The following DPP8 variants were observed in gnomAD, a reference collection of about 807,000 sequenced individuals.
DPP8 encodes the protein DPP VIII.
A neutral mutation model predicts 107.5 loss-of-function variants in DPP8; 31 were observed. That is an observed-to-expected ratio of 0.29 (90% CI 0.22 to 0.39). The LOEUF is 0.39. Ranked by LOEUF, DPP8 falls within the 10% of genes least tolerant of loss-of-function variation. DPP8 has a pLI of 1.00. For synonymous variants in DPP8, 381 were observed against 356.6 expected (o/e 1.07, Z -0.77); for missense variants, 842 against 1,076.1 (o/e 0.78, Z 3.04).
intron 8 of DPP8, among the ~76,000 whole-genome samples, chr15:65,482,044 A>T (rs76404915): frequency 8.6e-5 from 13 of 151,334 alleles, no homozygotes; most frequent in African/African-American, 1.9e-4. Context: ...ATATATATAT[A>T]TTTTTTGAGA....
At chr15:65,486,257 C>A (rs1309177383) in intron 7 of DPP8, among the ~76,000 whole-genome samples, 1 of 151,372 alleles carries the variant, frequency 6.6e-6, no homozygotes, top group Non-Finnish European at 1.5e-5. Context: ...CAAAAATTAG[C>A]CAGGTGTGGC....
At chr15:65,483,627 A>C (rs941126354) in intron 8 of DPP8, among the ~76,000 whole-genome samples, 84 of 150,926 alleles carry the variant, frequency 5.6e-4, no homozygotes, top group African/African-American at 2.0e-3. Context: ...AATAAAATAA[A>C]ATAAAATAAA....
chr15:65,515,803 G>C (rs2071380625), intron 1 of DPP8: 1 of 1,000,100 alleles, frequency 1.0e-6, no homozygotes, highest in Non-Finnish European at 1.5e-6. Flanking sequence ...TGCTCACCAG[G>C]ATAATGAAAT....
intron 15 of DPP8, among the ~76,000 whole-genome samples, chr15:65,460,877 A>G (rs2064862879): frequency 6.6e-6 from 1 of 152,214 alleles, no homozygotes; most frequent in Admixed American, 6.5e-5. Context: ...TAGTAATTCT[A>G]TGTTTGACAT....
intron 15 of DPP8, among the ~76,000 whole-genome samples, chr15:65,458,248 G>A (rs1204694124): frequency 6.6e-6 from 1 of 151,456 alleles, no homozygotes; most frequent in Non-Finnish European, 1.5e-5. Flanking sequence ...GGAAACATAA[G>A]TATTTGTTAC....
intron 14 of DPP8, among the ~76,000 whole-genome samples, chr15:65,464,262 C>G (rs1472159895): frequency 1.3e-5 from 2 of 152,142 alleles, no homozygotes; most frequent in Non-Finnish European, 2.9e-5. Flanking sequence ...ACTCGGGAGG[C>G]TGAGGCAGGA....
At chr15:65,487,852 GA>G in intron 6 of DPP8, 34 bp from the exon 7 acceptor site, 1 of 1,424,350 alleles carries the variant, frequency 7.0e-7, no homozygotes, top group Non-Finnish European at 9.7e-7. Flanking sequence ...AAATTTAGAA[GA>G]ATTATTCCAG....
rs142039963 is a variant in DPP8 at position 65,504,951 on chromosome 15, C to T, written c.372+2292G>A. 8.5e-5 allele frequency among the ~76,000 whole-genome samples: 13 copies of T among 152,098 alleles called. No individual in the cohort carries two copies. In the East Asian group the frequency reaches 2.5e-3, roughly 29 times the overall value. ...GCTGTGATCACACACCACTGTATTC[C>T]AACTTGGGTGACAGAGTGAGATGCT... On this transcript the variant is annotated intron_variant, in intron 3 of 19. Coordinates refer to ENST00000300141, the MANE Select transcript of DPP8 (RefSeq NM_130434.5).
chr15:65,472,426 T>C (rs890021932), intron 12 of DPP8, among the ~76,000 whole-genome samples: 1 of 152,126 alleles, frequency 6.6e-6, no homozygotes, highest in African/African-American at 2.4e-5. Flanking sequence ...TCCAACTAGC[T>C]GGGACTACAG....
At chr15:65,484,655 CAAA>C (rs1161936925) in intron 8 of DPP8, among the ~76,000 whole-genome samples, 6 of 98,322 alleles carry the variant, frequency 6.1e-5, no homozygotes, top group Non-Finnish European at 6.5e-5. Context: ...GCTCTTAACT[CAAA>C]AAAAAAAAAA....
rs200220727 is a variant in DPP8 at position 65,466,719 on chromosome 15, C to T, written c.1784G>A (p.Cys595Tyr). The change falls in exon 14 of 20, where the codon TGC becomes TAC. Residue 595 changes from cysteine (C) to tyrosine (Y), a missense_variant. Transcript: ENST00000300141. ...GGTGGCCCAAAATTCCTTTGTTTTG[C>T]AAGTTGGGTCATCTTCAGGACTTGA... ...KLSSPEDDPTCKTKEFWATIL... is the reference protein window; with the variant it reads ...KLSSPEDDPTYKTKEFWATIL... 1.0e-4 allele frequency: 167 copies of T among 1,613,930 alleles called. No individual in the cohort carries two copies. The highest frequency in any genetic ancestry group is 1.4e-4 in the Non-Finnish European group (163 of 1,179,978).
rs1555468189 is a variant in DPP8, at chr15:65,499,105, G to GTGTGTATA, written c.547-1074_547-1073insTATACACA. Among the ~76,000 whole-genome samples, 469 of 138,802 alleles carry GTGTGTATA rather than the reference G, an allele frequency of 3.4e-3. 2 individuals carry two copies. Among genetic ancestry groups the GTGTGTATA allele is most frequent in the African/African-American group, 9.2e-3 (347 of 37,644 alleles). 91.1% of individuals were successfully genotyped at this position (138,802 alleles called of 152,430 possible). A position where few individuals can be genotyped will look rare whatever the true frequency, so the allele number is the denominator to read the frequency against. On this transcript the variant is annotated intron_variant, in intron 4 of 19. Transcript: ENST00000300141. Reference sequence around the variant, plus strand: ...TGTGTGTGTGTGTGTGTGTGTGTGTGTATATATAAATTTATTAAGATGAAT... The same window carrying GTGTGTATA: ...TGTGTGTGTGTGTGTGTGTGTGTGTGTGTGTATATATATATAAATTTATTAAGATGAAT...
At chr15:65,477,009 G>C (rs2066449723) in intron 11 of DPP8, among the ~76,000 whole-genome samples, 1 of 152,148 alleles carries the variant, frequency 6.6e-6, no homozygotes, top group East Asian at 1.9e-4. Context: ...CAGAGACAAA[G>C]TGGCTGCCAG....
At position 65,488,962 on chromosome 15, in the gene DPP8, TTTTG is replaced by T. The variant is rs1361018785; in HGVS notation, c.827-1148_827-1145del. Reference sequence around the variant, plus strand: ...TATAGCAACACATTAAGGTGTGGTTTTTTGTTTGTTTGTTTTCGAGACGGAGTCT... The same window carrying T: ...TATAGCAACACATTAAGGTGTGGTTTTTTGTTTGTTTTCGAGACGGAGTCT... On this transcript the variant is annotated intron_variant, in intron 6 of 19. Coordinates refer to ENST00000300141, the MANE Select transcript of DPP8 (RefSeq NM_130434.5). Among the ~76,000 whole-genome samples the T allele has an allele frequency of 1.5e-4, 23 of 152,278 alleles. No homozygotes were observed. The South Asian group carries it at 1.9e-3, about 12-fold the overall frequency.
rs2069296000 is a variant in DPP8 at position 65,502,026 on chromosome 15, A to G, written c.373-1247T>C. Among the ~76,000 whole-genome samples, 7 of 152,070 alleles carry G rather than the reference A, an allele frequency of 4.6e-5. No individual in the cohort carries two copies. The South Asian group carries it at 1.5e-3, about 32-fold the overall frequency. On this transcript the variant is annotated intron_variant, in intron 3 of 19. Transcript: ENST00000300141. ...TGCCTCAGCCTCCTGAGTAGGTGGG[A>G]TTACACACTTGTGCCACCACGCCCA...
chr15:65,454,701 A>AT (rs972981310), intron 16 of DPP8, among the ~76,000 whole-genome samples: 7 of 151,786 alleles, frequency 4.6e-5, no homozygotes, highest in African/African-American at 1.7e-4. Flanking sequence ...TAATTTTTGT[A>AT]TTTTTTAGTA....
At chr15:65,448,263 G>C (rs752995456) in intron 19 of DPP8, among the ~76,000 whole-genome samples, 1 of 151,946 alleles carries the variant, frequency 6.6e-6, no homozygotes, top group African/African-American at 2.4e-5. Flanking sequence ...GGCTGAGCAT[G>C]GTAGCTCACC....
chr15:65,495,998 T>G (rs973556288), intron 5 of DPP8, among the ~76,000 whole-genome samples: 1 of 152,070 alleles, frequency 6.6e-6, no homozygotes, highest in African/African-American at 2.4e-5. Context: ...TTTCTTTTTT[T>G]TTTTAGACGG....
Position 65,485,143 on chromosome 15 carries a change from C to T in DPP8, c.973G>A (p.Val325Ile), listed in dbSNP as rs757090025. Reference protein sequence around the residue: ...YPKTGTANPKVTFKMSEIMID... With the variant: ...YPKTGTANPKITFKMSEIMID... ...ATTATTTCTGACATCTTAAAAGTGACTTTAGGATTTGCTGTACCTTTAGAA... is the reference window on the plus strand; with the variant it reads ...ATTATTTCTGACATCTTAAAAGTGATTTTAGGATTTGCTGTACCTTTAGAA... The change falls in exon 8 of 20, where the codon GTC (valine) becomes ATC (isoleucine). Residue 325 changes from valine (V) to isoleucine (I), a missense_variant. Around this residue, in one of 2 missense-constraint regions of DPP8, gnomAD observed 663 missense variants for 758.0 expected, o/e 0.87. Transcript: ENST00000300141. 75 of 1,607,942 alleles carry T rather than the reference C, an allele frequency of 4.7e-5. 1 individual carries two copies. The South Asian group carries it at 7.7e-4, about 17-fold the overall frequency.
Sources: allele counts gnomAD v4.1 joint callset (sites outside exome capture counted in the v4.1 genomes callset), GRCh38; gene constraint gnomAD v4.1.1; regional missense constraint gnomAD v4.1.1; transcripts MANE v1.5; gene names NCBI Gene and HGNC (gene_info 2026-07-23, HGNC 2026-07-21).